The following MAGI1 variants were observed in gnomAD, a reference collection of about 807,000 sequenced individuals.
MAGI1 encodes membrane-associated guanylate kinase, WW and PDZ domain-containing protein 1.
In MAGI1, 58 loss-of-function variants were observed where a neutral mutation model predicts 139.9. That is an observed-to-expected ratio of 0.41 (90% CI 0.34 to 0.52). The LOEUF (loss-of-function observed/expected upper bound fraction) is 0.52. Ranked by LOEUF, MAGI1 falls within the 20% of genes least tolerant of loss-of-function variation. MAGI1 has a pLI of 0.12. For missense variants in MAGI1, 1,874 were observed against 1,901.6 expected (o/e 0.99, Z 0.27); for synonymous variants, 812 against 737.9 (o/e 1.10, Z -1.63).
intron 1 of MAGI1, among the ~76,000 whole-genome samples, chr3:65,932,599 T>C (rs1002893929): frequency 1.3e-5 from 2 of 152,132 alleles, no homozygotes; most frequent in Admixed American, 6.5e-5. Flanking sequence ...CGGCACCTAA[T>C]TGAAGCTCTA....
At chr3:65,529,431 A>C (rs1210865939) in intron 2 of MAGI1, among the ~76,000 whole-genome samples, 1 of 152,212 alleles carries the variant, frequency 6.6e-6, no homozygotes, top group Non-Finnish European at 1.5e-5. Flanking sequence ...TATTTCATAC[A>C]AATGGAATGA....
intron 1 of MAGI1, among the ~76,000 whole-genome samples, chr3:65,878,608 T>G (rs2060210168): frequency 6.6e-6 from 1 of 151,962 alleles, no homozygotes; most frequent in African/African-American, 2.4e-5. Context: ...CTCGAATAAG[T>G]GTTTATTATA....
At chr3:65,485,944 C>G (rs1222065547) in intron 3 of MAGI1, among the ~76,000 whole-genome samples, 2 of 152,160 alleles carry the variant, frequency 1.3e-5, no homozygotes, top group African/African-American at 4.8e-5. Context: ...AGCAGAAGAA[C>G]AGCCAATTAT....
chr3:65,519,713 T>C (rs1458132165), intron 2 of MAGI1, among the ~76,000 whole-genome samples: 2 of 152,136 alleles, frequency 1.3e-5, no homozygotes, highest in Admixed American at 6.5e-5. Flanking sequence ...GATCACTCCA[T>C]CTACTGAATT....
intron 6 of MAGI1, 42 bp downstream of exon 6, chr3:65,453,216 T>C (rs1017563059): frequency 6.4e-7 from 1 of 1,555,492 alleles, no homozygotes; most frequent in African/African-American, 1.4e-5. Flanking sequence ...ATGTGAACAG[T>C]GCCCCCAATT....
intron 1 of MAGI1, among the ~76,000 whole-genome samples, chr3:65,990,390 AGTCTC>A (rs1261736828): frequency 6.6e-6 from 1 of 152,224 alleles, no homozygotes; most frequent in Non-Finnish European, 1.5e-5. Context: ...AAGATTTACA[AGTCTC>A]TTAGGATGAG....
chr3:65,931,643 G>A (rs2062812606), intron 1 of MAGI1, among the ~76,000 whole-genome samples: 1 of 152,154 alleles, frequency 6.6e-6, no homozygotes, highest in South Asian at 2.1e-4. Context: ...TAGCCCAGGT[G>A]ACAGAGAAAG....
intron 2 of MAGI1, among the ~76,000 whole-genome samples, chr3:65,568,564 G>A (rs557010001): frequency 2.5e-4 from 38 of 152,160 alleles, no homozygotes; most frequent in Non-Finnish European, 4.6e-4. Flanking sequence ...CTATAGCAGT[G>A]TACTGGATAA....
At chr3:65,909,319 G>A (rs1199320788) in intron 1 of MAGI1, among the ~76,000 whole-genome samples, 1 of 150,436 alleles carries the variant, frequency 6.6e-6, no homozygotes, top group Non-Finnish European at 1.5e-5. Flanking sequence ...GAGCCCAGGA[G>A]TTCAAGATCA....
chr3:65,365,402 A>G (rs538522525), intron 18 of MAGI1, among the ~76,000 whole-genome samples: 2 of 152,350 alleles, frequency 1.3e-5, no homozygotes, highest in East Asian at 3.9e-4. Context: ...CCTCAACTGA[A>G]TATTAATATC....
At position 65,625,317 on chromosome 3, in the gene MAGI1, G is replaced by GTGATTGGA. The variant is rs1244872808; in HGVS notation, c.314-3237_314-3230dup. ...ATTTCAAAAGTTTAAAATATATACA[G>GTGATTGGA]TGATTGGATGATTGGATGAGTACTA... On this transcript the variant is annotated intron_variant, in intron 1 of 22. Coordinates refer to ENST00000402939, the MANE Select transcript of MAGI1 (RefSeq NM_001033057.2). Among the ~76,000 whole-genome samples, 15 of 152,132 alleles carry GTGATTGGA rather than the reference G, an allele frequency of 9.9e-5. 1 individual carries two copies. Among genetic ancestry groups the GTGATTGGA allele is most frequent in the Non-Finnish European group, 2.9e-5 (2 of 68,032 alleles).
At chr3:65,542,733 C>T (rs919815641) in intron 2 of MAGI1, among the ~76,000 whole-genome samples, 3 of 152,018 alleles carry the variant, frequency 2.0e-5, no homozygotes, top group East Asian at 3.9e-4. Context: ...CTTCCTCACA[C>T]GTTATAAAAA....
chr3:65,467,922 C>T (rs763242671), intron 5 of MAGI1, among the ~76,000 whole-genome samples: 2 of 152,088 alleles, frequency 1.3e-5, no homozygotes, highest in Non-Finnish European at 2.9e-5. Context: ...GTTTAAACTC[C>T]TCAGAATAAC....
chr3:65,440,915 TAC>T (rs1269115078), intron 8 of MAGI1, among the ~76,000 whole-genome samples: 60 of 143,862 alleles, frequency 4.2e-4, no homozygotes, highest in African/African-American at 1.6e-3. Flanking sequence ...TATATATATA[TAC>T]ACACACACAC....
At chr3:65,479,628 A>C (rs1951130008) in intron 3 of MAGI1, among the ~76,000 whole-genome samples, 1 of 152,206 alleles carries the variant, frequency 6.6e-6, no homozygotes. Context: ...ATTTAAGAAA[A>C]AAAGCAATAC....
chr3:65,674,302 A>G (rs1241114501), intron 1 of MAGI1, among the ~76,000 whole-genome samples: 1 of 152,202 alleles, frequency 6.6e-6, no homozygotes, highest in Non-Finnish European at 1.5e-5. Flanking sequence ...TCTCAGCCCT[A>G]TCAGCATGAG....
chr3:65,361,413 C>A, intron 21 of MAGI1, 76 bp from the exon 22 acceptor site: 1 of 1,468,296 alleles, frequency 6.8e-7, no homozygotes. Flanking sequence ...AAGCACGTGG[C>A]AGAACATCTA....
At chr3:65,628,572 A>T (rs1400541734) in intron 1 of MAGI1, among the ~76,000 whole-genome samples, 4 of 151,822 alleles carry the variant, frequency 2.6e-5, no homozygotes, top group African/African-American at 7.3e-5. Flanking sequence ...GCACAAAATA[A>T]ATCTCCAGAC....
chr3:65,850,689 A>G (rs1043843973), intron 1 of MAGI1, among the ~76,000 whole-genome samples: 3 of 152,194 alleles, frequency 2.0e-5, no homozygotes, highest in Non-Finnish European at 4.4e-5. Context: ...GCAGTGCTTT[A>G]GAAGAAAAGC....
Sources: gnomAD v4.1 joint callset for allele counts (sites outside exome capture counted in the v4.1 genomes callset) on GRCh38, gnomAD v4.1.1 for gene constraint, MANE v1.5 for transcripts, NCBI Gene and HGNC (gene_info 2026-07-23, HGNC 2026-07-21) for gene names.